The following RBFOX2 variants were observed in gnomAD, a reference collection of about 807,000 sequenced individuals.
The protein encoded by RBFOX2 is RNA binding protein fox-1 homolog 2.
RBFOX2 carries 10 observed loss-of-function variants against 49.1 expected under a neutral mutation model. The observed-to-expected ratio is 0.20, with a 90% CI of 0.13 to 0.35. The LOEUF (loss-of-function observed/expected upper bound fraction) is 0.35, where lower values mean the gene tolerates loss of function less well. RBFOX2 is among the 10% of genes least tolerant of loss of function. The pLI is 1.00. For synonymous variants in RBFOX2, 183 were observed against 187.4 expected, an observed-to-expected ratio of 0.98 and a Z score of 0.19; for missense variants, 323 against 486.9, an observed-to-expected ratio of 0.66 and a Z score of 3.17.
At chr22:35,784,599 T>C (rs1276401068) in intron 2 of RBFOX2, among the ~76,000 whole-genome samples, 1 of 152,256 alleles carries the variant, frequency 6.6e-6, no homozygotes, top group South Asian at 2.1e-4. Context: ...AAGGGCTGCA[T>C]GGGCATCCTT....
intron 1 of RBFOX2, chr22:35,840,062 T>C: frequency 7.9e-7 from 1 of 1,264,696 alleles, no homozygotes; most frequent in Non-Finnish European, 1.1e-6. Context: ...TTTCAGCTGA[T>C]AACAATAAAT....
chr22:35,915,510 C>T (rs1466467463), intron 1 of RBFOX2, among the ~76,000 whole-genome samples: 1 of 152,192 alleles, frequency 6.6e-6, no homozygotes, highest in African/African-American at 2.4e-5. Context: ...GAGGCAGCCG[C>T]TCTCCCTGAG....
At chr22:35,880,722 C>CTTGGACCCTTTTA (rs2045767066) in intron 1 of RBFOX2, among the ~76,000 whole-genome samples, 1 of 151,880 alleles carries the variant, frequency 6.6e-6, no homozygotes, top group South Asian at 2.1e-4. Context: ...TTTTATAAAC[C>CTTGGACCCTTTTA]TAAGATTCAC....
upstream of RBFOX2, among the ~76,000 whole-genome samples, chr22:35,965,592 T>C (rs1324077763): frequency 6.6e-6 from 1 of 152,210 alleles, no homozygotes; most frequent in East Asian, 1.9e-4. Context: ...AAAATGTCCT[T>C]CTTATTCTTG....
At chr22:36,028,492 G>T (rs941873333) in exon 1 of RBFOX2, 18 of 1,095,232 alleles carry the variant, frequency 1.6e-5, no homozygotes, top group Non-Finnish European at 1.9e-5. Context: ...CCTGGGCCTC[G>T]GCCCCGACTG....
chr22:35,819,482 A>G (rs550142601), intron 1 of RBFOX2, among the ~76,000 whole-genome samples: 21 of 152,330 alleles, frequency 1.4e-4, no homozygotes, highest in Admixed American at 6.5e-4. Context: ...CACCTGCCAG[A>G]ATGATCTTTC....
intron 1 of RBFOX2, among the ~76,000 whole-genome samples, chr22:35,817,942 A>C (rs576068894): frequency 2.3e-5 from 3 of 129,902 alleles, no homozygotes; most frequent in East Asian, 4.6e-4. Context: ...CCTCCAAATC[A>C]CTTGTCAACA....
chr22:35,859,297 G>A (rs1021433993), intron 1 of RBFOX2, among the ~76,000 whole-genome samples: 1 of 152,138 alleles, frequency 6.6e-6, no homozygotes, highest in Non-Finnish European at 1.5e-5. Context: ...GTGGTGGTGG[G>A]AAGCTTTGAG....
At chr22:35,994,930 A>G (rs2058127769) in intron 1 of RBFOX2, 1 of 152,176 alleles carries the variant, frequency 6.6e-6, no homozygotes, top group South Asian at 2.1e-4. Flanking sequence ...CTTCAGAAAC[A>G]TGAGTGTAGA....
At chr22:35,777,813 T>C (rs1387399629) in intron 4 of RBFOX2, 2 of 555,398 alleles carry the variant, frequency 3.6e-6, no homozygotes, top group Non-Finnish European at 6.3e-6. Context: ...TCTCTGCTTC[T>C]TACTTCATCA....
At position 35,948,234 on chromosome 22, in the gene RBFOX2, C is replaced by CA. The variant is rs527451936; in HGVS notation, c.43-9338dup. ...GCCGTATCACACAGCCCAGGTATGA[C>CA]AACGTATGCTTCATACAGCCAGATA... On this transcript the variant is annotated intron_variant, in intron 1 of 5. Transcript: ENST00000408983. Among the ~76,000 whole-genome samples the CA allele has an allele frequency of 6.6e-5, 10 of 152,300 alleles. No homozygotes were observed. In the East Asian group the frequency reaches 1.9e-3, roughly 29 times the overall value.
upstream of RBFOX2, among the ~76,000 whole-genome samples, chr22:35,963,697 C>T (rs771921581): frequency 2.0e-5 from 3 of 152,226 alleles, no homozygotes; most frequent in South Asian, 2.1e-4. Flanking sequence ...TGTGTCATCG[C>T]TATTTCAAAA....
chr22:36,007,743 C>CT (rs938468597), intron 1 of RBFOX2, among the ~76,000 whole-genome samples: 57 of 152,230 alleles, frequency 3.7e-4, no homozygotes, highest in Admixed American at 1.3e-3. Context: ...CACACGGATA[C>CT]TTTTTTACTT....
intron 1 of RBFOX2, among the ~76,000 whole-genome samples, chr22:35,832,233 C>T (rs1956939342): frequency 6.6e-6 from 1 of 151,850 alleles, no homozygotes; most frequent in Non-Finnish European, 1.5e-5. Flanking sequence ...ATTAACTGGG[C>T]ATGGTGACGC....
intron 5 of RBFOX2, among the ~76,000 whole-genome samples, chr22:35,767,401 G>A (rs1941324408): frequency 6.6e-6 from 1 of 152,090 alleles, no homozygotes; most frequent in Admixed American, 6.6e-5. Flanking sequence ...ATTGTGTATA[G>A]TTACCATGGA....
intron 1 of RBFOX2, among the ~76,000 whole-genome samples, chr22:35,884,000 CTTTTTTTTTT>C (rs34644201): frequency 3.2e-5 from 2 of 62,640 alleles, no homozygotes; most frequent in African/African-American, 6.4e-5. Context: ...GTAGTTATCT[CTTTTTTTTTT>C]TTTTTTTTTT....
intron 1 of RBFOX2, among the ~76,000 whole-genome samples, chr22:36,003,683 AC>A (rs1482825514): frequency 6.6e-6 from 1 of 152,272 alleles, no homozygotes; most frequent in Non-Finnish European, 1.5e-5. Context: ...GGGGGAAAAA[AC>A]AAAAATAAAC....
chr22:35,897,712 A>G, intron 1 of RBFOX2: 1 of 907,908 alleles, frequency 1.1e-6, no homozygotes, highest in Non-Finnish European at 1.9e-6. Flanking sequence ...CTTCCAGCCC[A>G]AGGAAACAAG....
intron 1 of RBFOX2, among the ~76,000 whole-genome samples, chr22:35,875,607 GGTGTGT>G (rs56137825): frequency 0.2 from 23,785 of 117,340 alleles, 2,176 homozygotes; most frequent in Non-Finnish European, 0.22. Flanking sequence ...TGCTCACAAG[GGTGTGT>G]GTGTGTGTGT....
Sources: gnomAD v4.1 joint callset for allele counts (sites outside exome capture counted in the v4.1 genomes callset) on GRCh38, gnomAD v4.1.1 for gene constraint, MANE v1.5 for transcripts, NCBI Gene and HGNC (gene_info 2026-07-23, HGNC 2026-07-21) for gene names.